The following PHF21B variants were observed in gnomAD, a reference collection of about 807,000 sequenced individuals.
PHF21B encodes the protein PHD finger protein 4.
A neutral mutation model predicts 62.2 loss-of-function variants in PHF21B; 22 were observed. The ratio of observed to expected loss-of-function variants is 0.35; its 90% confidence interval spans 0.25 to 0.51. The LOEUF (loss-of-function observed/expected upper bound fraction) is 0.51. PHF21B is among the 20% of genes least tolerant of loss of function. The pLI, the probability that PHF21B is intolerant of heterozygous loss-of-function variation, is 0.97. For synonymous variants in PHF21B, 341 were observed against 314.7 expected (o/e 1.08, Z -0.88); for missense variants, 701 against 707.9 (o/e 0.99, Z 0.11).
At chr22:44,956,973 C>T (rs2072311128) in intron 2 of PHF21B, among the ~76,000 whole-genome samples, 1 of 152,218 alleles carries the variant, frequency 6.6e-6, no homozygotes, top group African/African-American at 2.4e-5. Context: ...AGGAGGCAGC[C>T]GTCACGCCTC....
At chr22:44,923,679 A>C (rs569696263) in intron 2 of PHF21B, among the ~76,000 whole-genome samples, 5 of 152,212 alleles carry the variant, frequency 3.3e-5, no homozygotes, top group East Asian at 3.9e-4. Context: ...GAAAACAAAC[A>C]ACTCATTAAA....
chr22:44,972,951 G>C (rs1302205744), intron 2 of PHF21B, among the ~76,000 whole-genome samples: 1 of 152,188 alleles, frequency 6.6e-6, no homozygotes, highest in East Asian at 1.9e-4. Context: ...AGATGAGGAG[G>C]CACACCCTCC....
chr22:44,884,883 T>G (rs6519901), intron 12 of PHF21B, among the ~76,000 whole-genome samples: 77,790 of 151,786 alleles, frequency 0.51, 20,566 homozygotes, highest in Non-Finnish European at 0.59. Context: ...TCACCATTAC[T>G]ACCATCACCA....
In PHF21B at chr22:45,009,280, C is replaced by T; in HGVS notation, c.54+216G>A. On this transcript the variant is annotated intron_variant, in intron 1 of 12. Coordinates refer to ENST00000313237, the MANE Select transcript of PHF21B (RefSeq NM_138415.5). The surrounding 1 kb of genome is among the most constrained non-coding windows in gnomAD (Gnocchi z 5.9). The stretch of plus-strand genomic sequence containing the variant: ...TCCAGGCTCGGGTCCCACGCGTCCT[C>T]GATCCCGCAAACTGTGCAGGACAGC... 1 of 563,140 alleles carries T rather than the reference C, an allele frequency of 1.8e-6. No homozygotes were observed. Among genetic ancestry groups the T allele is most frequent in the Non-Finnish European group, 3.0e-6 (1 of 333,574 alleles). The allele number at this position is 563,140 out of a possible 1,614,324, so 34.9% of individuals were successfully genotyped here.
At chr22:44,946,768 G>C (rs1261243532) in intron 2 of PHF21B, among the ~76,000 whole-genome samples, 3 of 152,154 alleles carry the variant, frequency 2.0e-5, no homozygotes, top group African/African-American at 7.2e-5. Flanking sequence ...TGCAGGGGCT[G>C]CACACCACAC....
At chr22:44,956,177 C>G (rs2072293319) in intron 2 of PHF21B, among the ~76,000 whole-genome samples, 1 of 152,176 alleles carries the variant, frequency 6.6e-6, no homozygotes, top group East Asian at 1.9e-4. Context: ...AGGCTGGACT[C>G]AATGGGTTGG....
At chr22:45,000,818 G>A (rs1349511098) in intron 2 of PHF21B, 1 of 152,140 alleles carries the variant, frequency 6.6e-6, no homozygotes, top group Non-Finnish European at 1.5e-5. Context: ...GCCCGGGCAG[G>A]GGGGTGGTTC....
At chr22:44,928,082 A>C (rs1431629498) in intron 2 of PHF21B, among the ~76,000 whole-genome samples, 8 of 151,910 alleles carry the variant, frequency 5.3e-5, no homozygotes, top group Non-Finnish European at 7.4e-5. Context: ...GCTCTGGAAA[A>C]ATCTGTCTTT....
At chr22:44,980,232 G>A (rs1456946643) in intron 2 of PHF21B, among the ~76,000 whole-genome samples, 1 of 152,182 alleles carries the variant, frequency 6.6e-6, no homozygotes, top group African/African-American at 2.4e-5. Context: ...TCTTTCTGCA[G>A]GATGTCAGCA....
At chr22:44,933,530 G>C (rs2071783143) in intron 2 of PHF21B, 1 of 985,370 alleles carries the variant, frequency 1.0e-6, no homozygotes, top group African/African-American at 1.7e-5. Flanking sequence ...TGGGGAAACA[G>C]ACCAGAAGTG....
At chr22:44,891,593 G>A (rs969399501) in intron 7 of PHF21B, among the ~76,000 whole-genome samples, 2 of 152,172 alleles carry the variant, frequency 1.3e-5, no homozygotes, top group African/African-American at 4.8e-5. Flanking sequence ...GGCTCTGCCT[G>A]CAGGAGGCCT....
At chr22:44,934,609 C>G (rs961741564) in intron 2 of PHF21B, among the ~76,000 whole-genome samples, 4 of 152,246 alleles carry the variant, frequency 2.6e-5, no homozygotes, top group East Asian at 1.9e-4. Context: ...TAAGCTGTCT[C>G]GACTCTGCAG....
chr22:44,978,522 G>T (rs1418479687), intron 2 of PHF21B, among the ~76,000 whole-genome samples: 2 of 152,296 alleles, frequency 1.3e-5, no homozygotes, highest in East Asian at 1.9e-4. Flanking sequence ...ACCACACCTG[G>T]CTAATTTTTG....
intron 2 of PHF21B, chr22:44,967,247 G>A (rs1293579778): frequency 7.2e-6 from 1 of 138,440 alleles, no homozygotes; most frequent in Non-Finnish European, 1.5e-5. Flanking sequence ...TTGAGATGGA[G>A]TCTTGCTCTG....
chr22:44,919,164 G>A (rs549706636), intron 3 of PHF21B, among the ~76,000 whole-genome samples: 1 of 152,074 alleles, frequency 6.6e-6, no homozygotes, highest in Non-Finnish European at 1.5e-5. Context: ...CCAGGTGTGT[G>A]GCAAGTCTCC....
chr22:44,967,829 G>C (rs1197211363), intron 2 of PHF21B, among the ~76,000 whole-genome samples: 1 of 152,192 alleles, frequency 6.6e-6, no homozygotes, highest in East Asian at 1.9e-4. Flanking sequence ...TGGGCTGGGA[G>C]AGTTTCTGAC....
In PHF21B at chr22:44,883,242, G is replaced by A. The variant is rs922110808; in HGVS notation, c.1440C>T (p.Asp480=). The A allele has an allele frequency of 6.2e-7, 1 of 1,613,828 alleles. No individual in the cohort carries two copies. Among genetic ancestry groups the A allele is most frequent in the Admixed American group, 1.7e-5 (1 of 59,998 alleles). Residue 480 remains aspartate (D), a synonymous_variant, in exon 13 of 13, where the codon GAC becomes GAT. Coordinates refer to ENST00000313237, the MANE Select transcript of PHF21B (RefSeq NM_138415.5). The part of the protein sequence containing the change: ...ARQRGTQSSL[D]RLRALLRLIQ... ...TCAGTCTCAGGAGGGCCCGCAGGCGGTCCAGGGATGACTGGGTGCCCCTCT... is the reference window on the plus strand; with the variant it reads ...TCAGTCTCAGGAGGGCCCGCAGGCGATCCAGGGATGACTGGGTGCCCCTCT...
At chr22:44,912,553 G>A (rs915651995) in intron 5 of PHF21B, among the ~76,000 whole-genome samples, 3 of 152,200 alleles carry the variant, frequency 2.0e-5, no homozygotes, top group Non-Finnish European at 4.4e-5. Flanking sequence ...CTGCCGCCAT[G>A]TAAGATGTGA....
chr22:45,007,438 C>G (rs2073338711), intron 2 of PHF21B, among the ~76,000 whole-genome samples: 1 of 149,290 alleles, frequency 6.7e-6, no homozygotes, highest in African/African-American at 2.5e-5. Context: ...CGGGGGCAGG[C>G]CCGGGCGGGG....
Sources: gnomAD v4.1 joint callset for allele counts (sites outside exome capture counted in the v4.1 genomes callset) on GRCh38, gnomAD v4.1.1 for gene constraint, Gnocchi (gnomAD v3.1) non-coding constraint, MANE v1.5 for transcripts, NCBI Gene and HGNC (gene_info 2026-07-23, HGNC 2026-07-21) for gene names.